TSPAN18: variants seen among roughly 807,000 people sequenced by gnomAD.
TSPAN18 encodes the protein tetraspanin 18, also known as tetraspanin-18.
A neutral mutation model predicts 27.3 loss-of-function variants in TSPAN18; 14 were observed. That is an observed-to-expected ratio of 0.51 (90% confidence interval 0.34 to 0.80). The LOEUF is 0.80. Among genes scored for constraint, TSPAN18 ranks in the 30% least tolerant of loss-of-function variants. TSPAN18 has a pLI of 0.01. For missense variants in TSPAN18, 268 were observed against 323.9 expected (o/e 0.83, Z 1.32); for synonymous variants, 143 against 136.5 (o/e 1.05, Z -0.33).
intron 3 of TSPAN18, among the ~76,000 whole-genome samples, chr11:44,885,407 C>G (rs1858614399): frequency 6.6e-6 from 1 of 152,140 alleles, no homozygotes; most frequent in African/African-American, 2.4e-5. Flanking sequence ...AGGGTGACTC[C>G]TTGCTTATCC....
intron 3 of TSPAN18, among the ~76,000 whole-genome samples, chr11:44,879,318 G>C (rs1159845008): frequency 6.6e-6 from 1 of 151,950 alleles, no homozygotes; most frequent in Admixed American, 6.5e-5. Context: ...AGTATACTGG[G>C]TGCTGTGATT....
At chr11:44,889,530 C>T (rs770243217) in intron 3 of TSPAN18, among the ~76,000 whole-genome samples, 4 of 152,204 alleles carry the variant, frequency 2.6e-5, no homozygotes, top group Admixed American at 6.5e-5. Context: ...AGCAGGAGGC[C>T]GGTGGCATCA....
At chr11:44,822,698 C>T (rs1856952046) in intron 2 of TSPAN18, among the ~76,000 whole-genome samples, 2 of 152,208 alleles carry the variant, frequency 1.3e-5, no homozygotes, top group East Asian at 1.9e-4. Flanking sequence ...GGAATTACAA[C>T]CCCCTTCAGC....
intron 8 of TSPAN18, among the ~76,000 whole-genome samples, chr11:44,922,381 G>C (rs891100591): frequency 2.0e-5 from 3 of 152,186 alleles, no homozygotes; most frequent in Non-Finnish European, 2.9e-5. Flanking sequence ...GCCTCCCCAA[G>C]TGCTGGGATT....
intron 2 of TSPAN18, among the ~76,000 whole-genome samples, chr11:44,834,648 T>C (rs1565170486): frequency 6.6e-6 from 1 of 152,158 alleles, no homozygotes; most frequent in Non-Finnish European, 1.5e-5. Context: ...CAGGCTGATG[T>C]GGGTTCAGAT....
At chr11:44,879,495 G>A (rs1478224579) in intron 3 of TSPAN18, among the ~76,000 whole-genome samples, 4 of 152,212 alleles carry the variant, frequency 2.6e-5, no homozygotes, top group Admixed American at 1.3e-4. Flanking sequence ...CTCTGTCTTC[G>A]AGCAGAGACC....
intron 8 of TSPAN18, among the ~76,000 whole-genome samples, chr11:44,924,373 A>T (rs575293624): frequency 6.6e-6 from 1 of 152,284 alleles, no homozygotes; most frequent in Admixed American, 6.5e-5. Context: ...CAACTGAGGC[A>T]TAGGGAGAGG....
chr11:44,811,451 C>T (rs1411743708), intron 2 of TSPAN18, among the ~76,000 whole-genome samples: 1 of 120,378 alleles, frequency 8.3e-6, no homozygotes, highest in Non-Finnish European at 1.7e-5. Context: ...ACATGTACCA[C>T]ATTTTAGGAT....
In TSPAN18 at chr11:44,811,125, AACACACACAC is replaced by A. The variant is rs61153202; in HGVS notation, c.-153+46654_-153+46663del. On this transcript the variant is annotated intron_variant, in intron 2 of 9. Coordinates refer to ENST00000520358, the MANE Select transcript of TSPAN18 (RefSeq NM_130783.5). ...ATCCCTAGTCAATAACTGGAGTTTT[AACACACACAC>A]ACACACACACACACACACACACACA... Among the ~76,000 whole-genome samples, 450 of 142,564 alleles carry A rather than the reference AACACACACAC, an allele frequency of 3.2e-3. 4 individuals carry two copies. Among genetic ancestry groups the A allele is most frequent in the East Asian group, 0.013 (58 of 4,586 alleles). 93.5% of individuals were successfully genotyped at this position (142,564 alleles called of 152,430 possible). A position where few individuals can be genotyped will look rare whatever the true frequency, so the allele number is the denominator to read the frequency against.
At position 44,932,314 on chromosome 11, in the gene TSPAN18, G is replaced by T. The variant is rs1860612089; in HGVS notation, c.*3136G>T. The T allele has an allele frequency of 6.6e-6, 1 of 152,190 alleles. No individual in the cohort carries two copies. Among genetic ancestry groups the T allele is most frequent in the African/African-American group, 2.4e-5 (1 of 41,416 alleles). 9.4% of individuals were successfully genotyped at this position (152,190 alleles called of 1,614,324 possible). On this transcript the variant is annotated 3_prime_UTR_variant, in exon 10 of 10. Transcript: ENST00000520358. ...CCCCCTTTTATATGATATATCCAGA[G>T]GAAGTTTTGTAATATAAAACAGGAC...
chr11:44,836,276 T>C (rs1314701181), intron 2 of TSPAN18, among the ~76,000 whole-genome samples: 1 of 152,212 alleles, frequency 6.6e-6, no homozygotes, highest in Non-Finnish European at 1.5e-5. Flanking sequence ...ACACAGATGC[T>C]GATATGGAGA....
At chr11:44,759,692 C>T (rs913521883) in intron 1 of TSPAN18, among the ~76,000 whole-genome samples, 17 of 152,178 alleles carry the variant, frequency 1.1e-4, no homozygotes, top group Non-Finnish European at 2.4e-4. Context: ...CCATTCACTA[C>T]CCATCCATCC....
chr11:44,846,390 C>T (rs1010651653), intron 2 of TSPAN18, among the ~76,000 whole-genome samples: 2 of 152,204 alleles, frequency 1.3e-5, no homozygotes, highest in Non-Finnish European at 2.9e-5. Context: ...GAGTGTTGGG[C>T]GCAGGCCTGT....
intron 3 of TSPAN18, among the ~76,000 whole-genome samples, chr11:44,895,469 G>T (rs1859008844): frequency 1.3e-5 from 2 of 152,244 alleles, no homozygotes; most frequent in Admixed American, 1.3e-4. Flanking sequence ...CCCAGCCTCT[G>T]CAGAAGCATC....
chr11:44,796,485 A>T (rs1229574282), intron 2 of TSPAN18, among the ~76,000 whole-genome samples: 1 of 152,032 alleles, frequency 6.6e-6, no homozygotes, highest in Non-Finnish European at 1.5e-5. Flanking sequence ...GGTCATGGGG[A>T]CTGGTGGAGT....
At chr11:44,905,229 G>A (rs867997824) in intron 3 of TSPAN18, among the ~76,000 whole-genome samples, 1 of 152,176 alleles carries the variant, frequency 6.6e-6, no homozygotes, top group Admixed American at 6.5e-5. Context: ...GTACAGCCAT[G>A]TCCTGTGGGA....
intron 1 of TSPAN18, among the ~76,000 whole-genome samples, chr11:44,735,214 C>T (rs1854762788): frequency 6.6e-6 from 1 of 152,244 alleles, no homozygotes; most frequent in Non-Finnish European, 1.5e-5. Flanking sequence ...CCTTGGGGCC[C>T]TCAGACACCT....
At chr11:44,770,478 T>C (rs1855666825) in intron 2 of TSPAN18, among the ~76,000 whole-genome samples, 1 of 152,164 alleles carries the variant, frequency 6.6e-6, no homozygotes, top group South Asian at 2.1e-4. Context: ...TCAGTGAGGA[T>C]GCTGGGGTGC....
chr11:44,779,498 T>A (rs1197281145), intron 2 of TSPAN18, among the ~76,000 whole-genome samples: 1 of 152,174 alleles, frequency 6.6e-6, no homozygotes, highest in African/African-American at 2.4e-5. Flanking sequence ...GCTGGGAGCC[T>A]TTGAGATTAG....
Sources: allele counts gnomAD v4.1 joint callset (sites outside exome capture counted in the v4.1 genomes callset), GRCh38; gene constraint gnomAD v4.1.1; transcripts MANE v1.5; gene names NCBI Gene and HGNC (gene_info 2026-07-23, HGNC 2026-07-21).